Variants in NBEA observed in about 807,000 individuals in gnomAD.
NBEA encodes the protein neurobeachin.
In NBEA, 44 loss-of-function variants were observed where a neutral mutation model predicts 343.4. The observed-to-expected ratio is 0.13, with a 90% CI of 0.10 to 0.16. The LOEUF is 0.16. Ranked by LOEUF, NBEA falls within the 10% of genes least tolerant of loss-of-function variation. NBEA has a pLI of 1.00. For missense variants in NBEA, 2,555 were observed against 3,631.3 expected (o/e 0.70, Z 7.62); for synonymous variants, 1,175 against 1,238.7 (o/e 0.95, Z 1.08).
chr13:35,534,927 G>A (rs1404821879), intron 41 of NBEA, among the ~76,000 whole-genome samples: 2 of 152,232 alleles, frequency 1.3e-5, no homozygotes, highest in South Asian at 4.1e-4. Context: ...CAAATTTTCA[G>A]CAAACTAGTA....
At chr13:35,387,640 G>T (rs1215413745) in intron 38 of NBEA, among the ~76,000 whole-genome samples, 5 of 152,046 alleles carry the variant, frequency 3.3e-5, no homozygotes, top group Admixed American at 3.3e-4. Context: ...AGTGACAGCT[G>T]ACAGTACCAT....
chr13:35,068,432 G>C (rs2063736882), intron 8 of NBEA, among the ~76,000 whole-genome samples: 1 of 152,136 alleles, frequency 6.6e-6, no homozygotes, highest in Non-Finnish European at 1.5e-5. Context: ...TGTTTCAGCA[G>C]TGGTAAATTG....
intron 36 of NBEA, among the ~76,000 whole-genome samples, chr13:35,318,470 A>G (rs1185426862): frequency 6.6e-6 from 1 of 152,164 alleles, no homozygotes; most frequent in Non-Finnish European, 1.5e-5. Flanking sequence ...CGTGGTGGAT[A>G]AGCTTTTTGA....
intron 38 of NBEA, among the ~76,000 whole-genome samples, chr13:35,408,919 T>C (rs1042318677): frequency 2.0e-5 from 3 of 152,128 alleles, no homozygotes; most frequent in African/African-American, 4.8e-5. Context: ...AGTTCAACCA[T>C]TGTGGAAGGC....
chr13:35,198,783 G>A (rs182516050), intron 31 of NBEA, among the ~76,000 whole-genome samples: 7 of 151,638 alleles, frequency 4.6e-5, no homozygotes, highest in African/African-American at 1.7e-4. Context: ...GGTCTCGGGG[G>A]CGCTGATGAC....
chr13:35,410,235 G>A (rs2043502393), intron 38 of NBEA, among the ~76,000 whole-genome samples: 1 of 152,032 alleles, frequency 6.6e-6, no homozygotes, highest in Non-Finnish European at 1.5e-5. Flanking sequence ...CATGGAGAAG[G>A]CACAAATTAG....
intron 11 of NBEA, among the ~76,000 whole-genome samples, chr13:35,106,071 T>C (rs1392498725): frequency 6.6e-6 from 1 of 152,006 alleles, no homozygotes; most frequent in African/African-American, 2.4e-5. Flanking sequence ...TTCTTAGATA[T>C]TATTTCCAAA....
At chr13:35,106,478 A>T (rs1162149503) in intron 11 of NBEA, among the ~76,000 whole-genome samples, 1 of 151,916 alleles carries the variant, frequency 6.6e-6, no homozygotes, top group African/African-American at 2.4e-5. Context: ...AGGAGGATAA[A>T]AGATGAATAA....
chr13:34,964,997 ATTTG>A (rs1295525142), intron 1 of NBEA, among the ~76,000 whole-genome samples: 6 of 152,014 alleles, frequency 3.9e-5, no homozygotes, highest in African/African-American at 1.4e-4. Flanking sequence ...AAACTTGGTT[ATTTG>A]TTTATTTCTT....
intron 47 of NBEA, among the ~76,000 whole-genome samples, chr13:35,605,265 C>T (rs1471734720): frequency 6.6e-6 from 1 of 152,124 alleles, no homozygotes; most frequent in African/African-American, 2.4e-5. Flanking sequence ...CAGTGATCAT[C>T]ATAAGAGTAA....
intron 35 of NBEA, among the ~76,000 whole-genome samples, chr13:35,298,205 GTGTGTGTATATATATATATA>G (rs1264031819): frequency 1.4e-4 from 2 of 14,534 alleles, no homozygotes; most frequent in Non-Finnish European, 3.3e-4. Flanking sequence ...GTGTGTGTGT[GTGTGTGTATATATATATATA>G]TATATATATA....
chr13:35,135,764 C>T (rs546611780), intron 17 of NBEA, among the ~76,000 whole-genome samples: 31 of 151,488 alleles, frequency 2.0e-4, no homozygotes, highest in East Asian at 9.7e-4. Context: ...TCCTGATATA[C>T]GTGTATATCT....
At chr13:35,340,412 T>G (rs1207659302) in intron 36 of NBEA, among the ~76,000 whole-genome samples, 1 of 152,030 alleles carries the variant, frequency 6.6e-6, no homozygotes, top group Admixed American at 6.6e-5. Flanking sequence ...GTAGTGAAAC[T>G]CACAGAGACA....
At chr13:35,418,741 G>A (rs894842475) in intron 38 of NBEA, among the ~76,000 whole-genome samples, 6 of 152,060 alleles carry the variant, frequency 3.9e-5, no homozygotes, top group Admixed American at 6.6e-5. Flanking sequence ...GTAGAAAAAC[G>A]TCTCATGATT....
chr13:35,346,012 A>G (rs949541422), intron 36 of NBEA, among the ~76,000 whole-genome samples: 3 of 152,090 alleles, frequency 2.0e-5, no homozygotes, highest in African/African-American at 7.2e-5. Flanking sequence ...TAAATAAAAC[A>G]TCATAGATCA....
intron 49 of NBEA, among the ~76,000 whole-genome samples, chr13:35,633,185 C>T (rs1158353461): frequency 3.3e-5 from 5 of 151,650 alleles, no homozygotes; most frequent in Admixed American, 2.6e-4. Context: ...TCACTGCAAG[C>T]TCTGCCTCCC....
intron 33 of NBEA, among the ~76,000 whole-genome samples, chr13:35,221,650 C>G (rs2074378011): frequency 6.6e-6 from 1 of 152,102 alleles, no homozygotes; most frequent in Non-Finnish European, 1.5e-5. Context: ...TAAGCATTAG[C>G]AATCCTAAAG....
chr13:35,601,154 G>C (rs1277403076), intron 47 of NBEA, among the ~76,000 whole-genome samples: 1 of 150,184 alleles, frequency 6.7e-6, no homozygotes, highest in Non-Finnish European at 1.5e-5. Context: ...TCCAGCCTGG[G>C]TGACAGAGCA....
chr13:35,615,284 T>G (rs1387124736), intron 48 of NBEA, among the ~76,000 whole-genome samples: 1 of 116,052 alleles, frequency 8.6e-6, no homozygotes, highest in Non-Finnish European at 1.8e-5. Context: ...TAAGACCCTG[T>G]CTCAAAAAAA....
Sources: gnomAD v4.1 joint callset for allele counts (sites outside exome capture counted in the v4.1 genomes callset) on GRCh38, gnomAD v4.1.1 for gene constraint, MANE v1.5 for transcripts, NCBI Gene and HGNC (gene_info 2026-07-23, HGNC 2026-07-21) for gene names.